The following AMY2B variants were observed in gnomAD, a reference collection of about 807,000 sequenced individuals.
AMY2B encodes the protein alpha-amylase 2B.
A neutral mutation model predicts 59.3 loss-of-function variants in AMY2B; 63 were observed. The observed-to-expected ratio is 1.06, with a 90% confidence interval of 0.87 to 1.31. The LOEUF is 1.31. Ranked by LOEUF, AMY2B falls within the 50% of genes most tolerant of loss-of-function variation. The pLI is 0.00. For synonymous variants in AMY2B, 180 were observed against 198.1 expected (o/e 0.91, Z 0.77); for missense variants, 635 against 626.7 (o/e 1.01, Z -0.14).
chr1:103,574,869 G>T (rs1354892592), intron 5 of AMY2B, among the ~76,000 whole-genome samples: 1 of 151,386 alleles, frequency 6.6e-6, no homozygotes, highest in Non-Finnish European at 1.5e-5. Context: ...CTTCTGGAGT[G>T]CCTCTAAATG....
At chr1:103,560,176 TTAA>T (rs1651689307) in intron 1 of AMY2B, among the ~76,000 whole-genome samples, 1 of 152,188 alleles carries the variant, frequency 6.6e-6, no homozygotes, top group East Asian at 1.9e-4. Context: ...CTGCCTGCTC[TTAA>T]TAAGGTTGTT....
In AMY2B at chr1:103,575,440, G is replaced by T; in HGVS notation, c.1002-1G>T. The T allele has an allele frequency of 6.2e-7, 1 of 1,613,424 alleles. No individual in the cohort carries two copies. Among genetic ancestry groups the T allele is most frequent in the Non-Finnish European group, 8.5e-7 (1 of 1,179,674 alleles). On this transcript the variant is annotated splice_acceptor_variant, in intron 6 of 9. Coordinates refer to ENST00000684275, the MANE Select transcript of AMY2B (RefSeq NM_001387437.1). LOFTEE classifies it high-confidence loss of function. Reference sequence around the variant, plus strand: ...TGATAATATAATTATGTAACTTTCAGGCTGTATAAAATGGCAGTTGGATTT... The same window carrying T: ...TGATAATATAATTATGTAACTTTCATGCTGTATAAAATGGCAGTTGGATTT...
chr1:103,563,267 C>T lies in AMY2B; in HGVS notation c.-206-2168C>T, dbSNP rs184248946. On this transcript the variant is annotated intron_variant, in intron 1 of 11. Transcript: ENST00000361355. Reference sequence around the variant, plus strand: ...ATGTCATTTGGCACATGATAGTAACCGTTAGAGCTTTAGAGTAAAGGGAAG... The same window carrying T: ...ATGTCATTTGGCACATGATAGTAACTGTTAGAGCTTTAGAGTAAAGGGAAG... Among the ~76,000 whole-genome samples the T allele has an allele frequency of 9.3e-4, 141 of 152,004 alleles. 1 individual carries two copies. The highest frequency in any genetic ancestry group is 5.2e-3 in the Admixed American group (80 of 15,282).
chr1:103,573,007 G>A, intron 2 of AMY2B, 56 bp from the exon 3 acceptor site: 2 of 1,611,416 alleles, frequency 1.2e-6, no homozygotes, highest in South Asian at 2.2e-5. Context: ...AATCAATAAT[G>A]CTTTAAATTT....
chr1:103,565,087 C>A (rs1651862066), intron 1 of AMY2B: 1 of 152,138 alleles, frequency 6.6e-6, no homozygotes, highest in African/African-American at 2.4e-5. Flanking sequence ...CCCTCTATTC[C>A]AGGGGTATAT....
exon 1 of AMY2B, chr1:103,554,876 T>C (rs890779945): frequency 6.6e-6 from 1 of 152,470 alleles, no homozygotes; most frequent in African/African-American, 2.4e-5. Flanking sequence ...GTAAATGTTA[T>C]AAATCAGTTT....
At chr1:103,575,656 G>A in intron 7 of AMY2B, 116 bp downstream of exon 7, 1 of 1,449,130 alleles carries the variant, frequency 6.9e-7, no homozygotes, top group Non-Finnish European at 9.4e-7. Flanking sequence ...TTAGAAACCT[G>A]ATATAGGGCT....
intron 5 of AMY2B, 152 bp downstream of exon 5, chr1:103,574,545 A>T: frequency 6.7e-7 from 1 of 1,481,552 alleles, no homozygotes; most frequent in Non-Finnish European, 9.1e-7. Flanking sequence ...AACTCTAATC[A>T]ATCATCTTTT....
intron 1 of AMY2B, chr1:103,555,347 C>CT (rs1266415683): frequency 6.6e-6 from 1 of 151,462 alleles, no homozygotes; most frequent in Non-Finnish European, 1.5e-5. Context: ...ACAAATACTG[C>CT]CTTTTAAAAA....
chr1:103,565,931 A>T (rs947969445), intron 2 of AMY2B, among the ~76,000 whole-genome samples: 2 of 152,044 alleles, frequency 1.3e-5, no homozygotes, highest in Non-Finnish European at 2.9e-5. Context: ...AGTTTTTATT[A>T]TTACTTTCCT....
At chr1:103,577,331 C>T in intron 7 of AMY2B, 159 bp from the exon 8 acceptor site, 2 of 1,333,530 alleles carry the variant, frequency 1.5e-6, no homozygotes, top group Non-Finnish European at 2.1e-6. Flanking sequence ...ATGATGAAGA[C>T]CCAGTAAAGG....
At chr1:103,559,005 G>A (rs909375743) in intron 1 of AMY2B, among the ~76,000 whole-genome samples, 4 of 152,154 alleles carry the variant, frequency 2.6e-5, no homozygotes, top group Non-Finnish European at 5.9e-5. Flanking sequence ...CTGAGATGAT[G>A]TAAAAGTTAC....
intron 3 of AMY2B, 68 bp from the exon 4 acceptor site, chr1:103,573,640 T>A: frequency 1.3e-6 from 2 of 1,597,962 alleles, no homozygotes; most frequent in Non-Finnish European, 1.7e-6. Flanking sequence ...AATAAATGAA[T>A]AATCAAATGG....
upstream of AMY2B, among the ~76,000 whole-genome samples, chr1:103,566,890 T>C (rs576258080): frequency 6.6e-6 from 1 of 152,312 alleles, no homozygotes; most frequent in East Asian, 1.9e-4. Context: ...GTTATGCCAA[T>C]GTTTTGCACA....
chr1:103,571,888 G>A, intron 1 of AMY2B, 118 bp downstream of exon 1: 1 of 1,591,864 alleles, frequency 6.3e-7, no homozygotes, highest in Non-Finnish European at 8.5e-7. Flanking sequence ...TTCTAAGTAA[G>A]AGTTTTCTGA....
At chr1:103,555,686 G>A (rs1386427598) in intron 1 of AMY2B, among the ~76,000 whole-genome samples, 1 of 152,172 alleles carries the variant, frequency 6.6e-6, no homozygotes, top group Non-Finnish European at 1.5e-5. Flanking sequence ...CTTGGTGGAT[G>A]TCAGGAGTAA....
chr1:103,577,414 G>T, intron 7 of AMY2B, 76 bp from the exon 8 acceptor site: 1 of 1,608,718 alleles, frequency 6.2e-7, no homozygotes, highest in Non-Finnish European at 8.5e-7. Context: ...AACAGGATAG[G>T]TTGGGTTTGG....
intron 3 of AMY2B, 68 bp downstream of exon 3, chr1:103,573,328 A>C (rs1408669167): frequency 1.2e-6 from 2 of 1,603,896 alleles, no homozygotes; most frequent in African/African-American, 1.3e-5. Flanking sequence ...ACATGTAGCT[A>C]ATTGAACTTC....
chr1:103,563,208 G>A (rs1225181889), intron 1 of AMY2B, among the ~76,000 whole-genome samples: 2 of 152,004 alleles, frequency 1.3e-5, no homozygotes, highest in African/African-American at 2.4e-5. Context: ...ATTATCAAAT[G>A]TCCTATTTCA....
Sources: allele counts gnomAD v4.1 joint callset (sites outside exome capture counted in the v4.1 genomes callset), GRCh38; gene constraint gnomAD v4.1.1; transcripts MANE v1.5; gene names NCBI Gene and HGNC (gene_info 2026-07-23, HGNC 2026-07-21).